The following UNC5D variants were observed in gnomAD, a reference collection of about 807,000 sequenced individuals.
UNC5D encodes the protein unc-5 netrin receptor D, also known as netrin receptor UNC5D.
Under a neutral mutation model 105.4 loss-of-function variants are expected in UNC5D, and 39 were observed. The ratio of observed to expected loss-of-function variants is 0.37; its 90% CI spans 0.29 to 0.48. The LOEUF (loss-of-function observed/expected upper bound fraction) is 0.48. Ranked by LOEUF, UNC5D falls within the 20% of genes least tolerant of loss-of-function variation. The pLI is 0.98. For synonymous variants in UNC5D, 452 were observed against 450.4 expected (o/e 1.00, Z -0.04); for missense variants, 991 against 1,202.4 (o/e 0.82, Z 2.60).
chr8:35,345,037 T>C (rs1811707360), intron 1 of UNC5D, among the ~76,000 whole-genome samples: 1 of 152,072 alleles, frequency 6.6e-6, no homozygotes, highest in East Asian at 1.9e-4. Flanking sequence ...AAAAGGATTA[T>C]ACAGTGCAAC....
chr8:35,767,108 G>A (rs750893524), intron 15 of UNC5D, 42 bp downstream of exon 15: 1 of 1,562,018 alleles, frequency 6.4e-7, no homozygotes, highest in Non-Finnish European at 8.7e-7. Flanking sequence ...CCTTTCTGAA[G>A]GACGATAAGA....
chr8:35,678,161 C>T (rs896569600), intron 4 of UNC5D, among the ~76,000 whole-genome samples: 19 of 152,192 alleles, frequency 1.2e-4, no homozygotes, highest in African/African-American at 3.9e-4. Flanking sequence ...AGTTGTGCAC[C>T]AAGCATCTTG....
intron 2 of UNC5D, among the ~76,000 whole-genome samples, chr8:35,553,209 C>T (rs1040277243): frequency 6.6e-6 from 1 of 151,958 alleles, no homozygotes; most frequent in African/African-American, 2.4e-5. Flanking sequence ...AACAGTGCAC[C>T]CTCTTCTAAT....
chr8:35,567,920 C>A (rs894296554), intron 2 of UNC5D, among the ~76,000 whole-genome samples, 178 bp from the exon 3 acceptor site: 1 of 152,172 alleles, frequency 6.6e-6, no homozygotes, highest in Admixed American at 6.5e-5. Context: ...GCTTTCCAGC[C>A]TACTCAGCTG....
chr8:35,346,495 CA>C (rs1362435477), intron 1 of UNC5D, among the ~76,000 whole-genome samples: 2 of 151,774 alleles, frequency 1.3e-5, no homozygotes, highest in South Asian at 4.2e-4. Context: ...GGTTAATTGT[CA>C]AAAGAAAATG....
chr8:35,309,444 C>T (rs538654374), intron 1 of UNC5D, among the ~76,000 whole-genome samples: 7 of 152,220 alleles, frequency 4.6e-5, no homozygotes, highest in Admixed American at 1.3e-4. Flanking sequence ...CATGCAAGTT[C>T]TTCTCAGGAT....
At chr8:35,756,557 A>G (rs946044603) in intron 13 of UNC5D, among the ~76,000 whole-genome samples, 2 of 150,948 alleles carry the variant, frequency 1.3e-5, no homozygotes, top group East Asian at 3.9e-4. Flanking sequence ...TCTTTAAAAA[A>G]AAAAAAAAAA....
intron 7 of UNC5D, among the ~76,000 whole-genome samples, chr8:35,687,984 T>G (rs78736441): frequency 3.3e-5 from 5 of 151,774 alleles, no homozygotes; most frequent in African/African-American, 4.8e-5. Flanking sequence ...CAAAAAAAAT[T>G]AGCTGGGCGT....
intron 10 of UNC5D, among the ~76,000 whole-genome samples, chr8:35,729,326 C>T (rs1339497887): frequency 6.6e-6 from 1 of 152,078 alleles, no homozygotes; most frequent in Non-Finnish European, 1.5e-5. Flanking sequence ...ATGTCTCGGA[C>T]CCTGTCTTTT....
intron 1 of UNC5D, among the ~76,000 whole-genome samples, chr8:35,319,442 TG>T (rs1284605886): frequency 1.3e-5 from 2 of 152,148 alleles, no homozygotes; most frequent in Non-Finnish European, 2.9e-5. Context: ...GATGTGCATT[TG>T]GGTAAAGGTC....
chr8:35,728,841 A>G (rs2131564260), intron 10 of UNC5D, among the ~76,000 whole-genome samples: 1 of 152,308 alleles, frequency 6.6e-6, no homozygotes, highest in South Asian at 2.1e-4. Flanking sequence ...CTGTCAGGGT[A>G]GCAGGTGGAG....
At chr8:35,297,028 A>C (rs952675225) in intron 1 of UNC5D, among the ~76,000 whole-genome samples, 1 of 152,224 alleles carries the variant, frequency 6.6e-6, no homozygotes, top group Non-Finnish European at 1.5e-5. Context: ...TTTACGCAAA[A>C]CAAATTTTAT....
At chr8:35,639,840 G>A (rs1228618929) in intron 4 of UNC5D, among the ~76,000 whole-genome samples, 1 of 151,896 alleles carries the variant, frequency 6.6e-6, no homozygotes, top group Non-Finnish European at 1.5e-5. Flanking sequence ...TGCCTCTTGA[G>A]CTCAAGCAAT....
intron 6 of UNC5D, among the ~76,000 whole-genome samples, chr8:35,685,228 T>C (rs548309963): frequency 3.3e-5 from 5 of 152,226 alleles, no homozygotes; most frequent in Non-Finnish European, 4.4e-5. Context: ...AGACAATTGA[T>C]AGAGACTGTA....
intron 1 of UNC5D, among the ~76,000 whole-genome samples, chr8:35,540,279 TATAAATC>T (rs1420753459): frequency 3.3e-5 from 5 of 152,206 alleles, no homozygotes; most frequent in Non-Finnish European, 7.3e-5. Context: ...GAATAATTGT[TATAAATC>T]TTATAATCTT....
intron 1 of UNC5D, among the ~76,000 whole-genome samples, chr8:35,505,802 C>T (rs1389199674): frequency 2.0e-5 from 3 of 152,198 alleles, no homozygotes; most frequent in Non-Finnish European, 4.4e-5. Context: ...AGTGATTTTG[C>T]ACAGTGGTTG....
chr8:35,557,734 A>G (rs1816653601), intron 2 of UNC5D, among the ~76,000 whole-genome samples: 1 of 151,914 alleles, frequency 6.6e-6, no homozygotes, highest in Non-Finnish European at 1.5e-5. Context: ...CTTTCAAGTC[A>G]TAGGTAGAAT....
At chr8:35,758,600 T>C (rs1297187798) in intron 13 of UNC5D, among the ~76,000 whole-genome samples, 2 of 152,158 alleles carry the variant, frequency 1.3e-5, no homozygotes, top group Non-Finnish European at 2.9e-5. Flanking sequence ...ATGCCACAAA[T>C]TTGGAACCAA....
chr8:35,334,572 G>A (rs1039223834), intron 1 of UNC5D, among the ~76,000 whole-genome samples: 2 of 151,782 alleles, frequency 1.3e-5, no homozygotes. Context: ...GGGTGCAATG[G>A]CACCATCTCG....
Sources: allele counts gnomAD v4.1 joint callset (sites outside exome capture counted in the v4.1 genomes callset), GRCh38; gene constraint gnomAD v4.1.1; transcripts MANE v1.5; gene names NCBI Gene and HGNC (gene_info 2026-07-23, HGNC 2026-07-21).